Variants in PCED1B observed in about 807,000 individuals in gnomAD.
PCED1B encodes PC-esterase domain containing 1B.
For synonymous variants in PCED1B, 251 were observed against 246.1 expected, an observed-to-expected ratio of 1.02 and a Z score of -0.19; for missense variants, 573 against 573.9, an observed-to-expected ratio of 1.00 and a Z score of 0.02.
At chr12:47,085,180 G>T (rs974343407) in intron 1 of PCED1B, among the ~76,000 whole-genome samples, 14 of 152,164 alleles carry the variant, frequency 9.2e-5, no homozygotes, top group African/African-American at 3.1e-4. Flanking sequence ...ACCTCTCCAG[G>T]AACCTCAAGA....
intron 2 of PCED1B, among the ~76,000 whole-genome samples, chr12:47,215,140 T>C (rs972965479): frequency 2.6e-5 from 4 of 152,082 alleles, no homozygotes; most frequent in Admixed American, 6.6e-5. Flanking sequence ...CTTTTCTTTT[T>C]CATCTTGGTA....
At chr12:47,219,180 A>G (rs1943397272) in intron 3 of PCED1B, among the ~76,000 whole-genome samples, 1 of 152,172 alleles carries the variant, frequency 6.6e-6, no homozygotes, top group South Asian at 2.1e-4. Flanking sequence ...CCATAGAAAC[A>G]CTATTACACA....
intron 2 of PCED1B, among the ~76,000 whole-genome samples, chr12:47,213,545 C>T (rs77276430): frequency 3.7e-4 from 56 of 152,152 alleles, no homozygotes; most frequent in Admixed American, 1.1e-3. Flanking sequence ...AAAATAATTG[C>T]GTTCCTTAAG....
chr12:47,114,690 C>G (rs563124995), intron 2 of PCED1B, among the ~76,000 whole-genome samples: 3 of 152,194 alleles, frequency 2.0e-5, no homozygotes, highest in Admixed American at 6.5e-5. Context: ...GTTGCTGCAC[C>G]AAGCCCTCCA....
intron 2 of PCED1B, among the ~76,000 whole-genome samples, chr12:47,182,119 A>G (rs1439570045): frequency 2.0e-5 from 3 of 152,250 alleles, no homozygotes; most frequent in Non-Finnish European, 4.4e-5. Context: ...AAACTTGAAG[A>G]TGGTTCAGAA....
intron 2 of PCED1B, among the ~76,000 whole-genome samples, chr12:47,184,902 C>T (rs1264675349): frequency 6.6e-6 from 1 of 152,158 alleles, no homozygotes; most frequent in Non-Finnish European, 1.5e-5. Flanking sequence ...AGAAACCTGG[C>T]AGAGGTTAAG....
intron 2 of PCED1B, among the ~76,000 whole-genome samples, chr12:47,200,427 A>G (rs986565983): frequency 1.3e-5 from 2 of 152,230 alleles, no homozygotes; most frequent in African/African-American, 4.8e-5. Context: ...TTAGAAAATC[A>G]GAACACTGAC....
intron 2 of PCED1B, among the ~76,000 whole-genome samples, chr12:47,124,699 T>A (rs1176625277): frequency 1.3e-5 from 2 of 151,994 alleles, no homozygotes; most frequent in African/African-American, 2.4e-5. Context: ...TTATGATCAG[T>A]CTTTAAATTT....
At chr12:47,180,703 C>A (rs910386419) in intron 2 of PCED1B, among the ~76,000 whole-genome samples, 1 of 151,894 alleles carries the variant, frequency 6.6e-6, no homozygotes, top group African/African-American at 2.4e-5. Flanking sequence ...ACCCATCTGA[C>A]AAATGTCTAA....
chr12:47,212,062 G>A (rs1200720137), intron 2 of PCED1B, among the ~76,000 whole-genome samples: 3 of 135,740 alleles, frequency 2.2e-5, no homozygotes, highest in Admixed American at 7.4e-5. Context: ...GAGACAGAGC[G>A]AGACTCCGTC....
intron 2 of PCED1B, among the ~76,000 whole-genome samples, chr12:47,183,439 A>C (rs558078215): frequency 6.6e-6 from 1 of 152,240 alleles, no homozygotes; most frequent in Non-Finnish European, 1.5e-5. Flanking sequence ...GGGACACTTA[A>C]ATAGGCAATG....
intron 2 of PCED1B, among the ~76,000 whole-genome samples, chr12:47,189,356 T>C (rs1051030534): frequency 1.3e-5 from 2 of 152,172 alleles, no homozygotes; most frequent in African/African-American, 4.8e-5. Flanking sequence ...GCAGACTGAT[T>C]TCAAAATCCA....
chr12:47,220,815 A>G (rs983818376), intron 3 of PCED1B, among the ~76,000 whole-genome samples: 2 of 152,186 alleles, frequency 1.3e-5, no homozygotes, highest in African/African-American at 2.4e-5. Flanking sequence ...CTCTGACAAA[A>G]TTGTCTTTTA....
At chr12:47,234,267 C>G (rs766971869) in intron 3 of PCED1B, among the ~76,000 whole-genome samples, 23 of 152,194 alleles carry the variant, frequency 1.5e-4, no homozygotes, top group Non-Finnish European at 2.9e-4. Flanking sequence ...GGATTACAGG[C>G]GTAATCCCAC....
intron 2 of PCED1B, among the ~76,000 whole-genome samples, chr12:47,171,356 C>T (rs908356897): frequency 3.9e-5 from 6 of 152,190 alleles, no homozygotes; most frequent in African/African-American, 9.6e-5. Flanking sequence ...CGTGAGCCAC[C>T]GTGCCTGGCC....
At chr12:47,188,727 A>T (rs149571182) in intron 2 of PCED1B, among the ~76,000 whole-genome samples, 1 of 152,204 alleles carries the variant, frequency 6.6e-6, no homozygotes, top group Admixed American at 6.5e-5. Flanking sequence ...ATCCAGTTCC[A>T]CTGCAGTGCT....
chr12:47,094,332 T>G (rs74083849), intron 1 of PCED1B, among the ~76,000 whole-genome samples: 120 of 152,302 alleles, frequency 7.9e-4, no homozygotes, highest in African/African-American at 2.5e-3. Context: ...TTTATTAGAT[T>G]TGAAGATTTG....
At chr12:47,192,249 T>G (rs1023883887) in intron 2 of PCED1B, among the ~76,000 whole-genome samples, 2 of 151,358 alleles carry the variant, frequency 1.3e-5, no homozygotes, top group African/African-American at 2.4e-5. Context: ...TGCATGTTGA[T>G]TATAAGTAAA....
intron 2 of PCED1B, among the ~76,000 whole-genome samples, chr12:47,127,712 T>G (rs1204474851): frequency 2.6e-5 from 4 of 152,172 alleles, no homozygotes; most frequent in African/African-American, 7.2e-5. Context: ...ATAGTATACT[T>G]TATAAAACTT....
Sources: gnomAD v4.1 joint callset for allele counts (sites outside exome capture counted in the v4.1 genomes callset) on GRCh38, gnomAD v4.1.1 for gene constraint, MANE v1.5 for transcripts, NCBI Gene and HGNC (gene_info 2026-07-23, HGNC 2026-07-21) for gene names.